Variants in NEMF observed in about 807,000 individuals in gnomAD.
The protein encoded by NEMF is ribosome quality control complex subunit NEMF.
Under a neutral mutation model 162.2 loss-of-function variants are expected in NEMF, and 89 were observed. The observed-to-expected ratio is 0.55, with a 90% CI of 0.46 to 0.65. The LOEUF (loss-of-function observed/expected upper bound fraction) is 0.65. Ranked by LOEUF, NEMF falls within the 30% of genes least tolerant of loss-of-function variation. The pLI is 0.00. For missense variants in NEMF, 1,133 were observed against 1,261.9 expected, an observed-to-expected ratio of 0.90 and a Z score of 1.55; for synonymous variants, 421 against 404.5, an observed-to-expected ratio of 1.04 and a Z score of -0.49.
intron 19 of NEMF, among the ~76,000 whole-genome samples, chr14:49,804,983 T>C (rs1034517858): frequency 3.3e-5 from 5 of 151,984 alleles, no homozygotes; most frequent in African/African-American, 7.3e-5. Flanking sequence ...TGAGCTAAGA[T>C]TGCACCACTA....
chr14:49,834,260 G>A lies in NEMF; in HGVS notation c.661+103C>T. The A allele has an allele frequency of 6.7e-6, 5 of 742,298 alleles. No individual in the cohort carries two copies. In the South Asian group the frequency reaches 8.1e-5, roughly 12 times the overall value. 46.0% of individuals were successfully genotyped at this position (742,298 alleles called of 1,614,324 possible). On this transcript the variant is annotated intron_variant, in intron 7 of 32. Coordinates refer to ENST00000298310, the MANE Select transcript of NEMF (RefSeq NM_004713.6). ...CATGAGCCAGTGTGCCTGGTCAAAT[G>A]TTTTTCATTCTAGAACCACCTGCTC...
intron 11 of NEMF, among the ~76,000 whole-genome samples, chr14:49,830,314 T>G (rs1696630789): frequency 6.6e-6 from 1 of 152,242 alleles, no homozygotes; most frequent in African/African-American, 2.4e-5. Flanking sequence ...TTCATCTGAC[T>G]GGCCTACCTG....
At position 49,819,617 on chromosome 14, in the gene NEMF, T is replaced by C. The variant is rs904666770; in HGVS notation, c.1578-4760A>G. 7.2e-5 allele frequency among the ~76,000 whole-genome samples: 11 copies of C among 152,144 alleles called. 1 individual carries two copies. The highest frequency in any genetic ancestry group is 1.6e-4 in the Non-Finnish European group (11 of 68,018). ...TTTGTAGAGACGGGGTTTCGCCATGTTGCCCAGGCTGGTCTCGAACTCCTC... is the reference window on the plus strand; with the variant it reads ...TTTGTAGAGACGGGGTTTCGCCATGCTGCCCAGGCTGGTCTCGAACTCCTC... On this transcript the variant is annotated intron_variant, in intron 16 of 32. Coordinates refer to ENST00000298310, the MANE Select transcript of NEMF (RefSeq NM_004713.6).
chr14:49,831,906 T>C (rs1407644131), intron 10 of NEMF, 145 bp downstream of exon 10: 2 of 592,944 alleles, frequency 3.4e-6, no homozygotes, highest in African/African-American at 3.8e-5. Context: ...CCAACAGCTG[T>C]ATCTGTGACG....
chr14:49,787,055 C>T (rs1374269287), intron 28 of NEMF: 1 of 230,092 alleles, frequency 4.3e-6, no homozygotes, highest in East Asian at 8.7e-5. Flanking sequence ...GCAAAAGTTA[C>T]AAGTACAATT....
intron 5 of NEMF, chr14:49,839,558 T>G (rs1394259219): frequency 1.3e-5 from 2 of 152,252 alleles, no homozygotes; most frequent in Non-Finnish European, 2.9e-5. Context: ...ATCATTACTT[T>G]ACCTCACCGA....
Position 49,831,378 on chromosome 14 carries a change from A to G in NEMF, c.883-17T>C, listed in dbSNP as rs370881579. On this transcript the variant is annotated splice_polypyrimidine_tract_variant and intron_variant, in intron 10 of 32. Coordinates refer to ENST00000298310, the MANE Select transcript of NEMF (RefSeq NM_004713.6). ...ATCCACCGCCTTATTAAAAAAACAA[A>G]CAACTAGTTGGAAAAAAAAGCACAG... 3.1e-5 allele frequency: 48 copies of G among 1,528,552 alleles called. No individual in the cohort carries two copies. In the South Asian group the frequency reaches 5.3e-4, roughly 17 times the overall value. The allele number at this position is 1,528,552 out of a possible 1,614,324, so 94.7% of individuals were successfully genotyped here.
intron 16 of NEMF, chr14:49,820,115 C>T (rs1891929001): frequency 8.6e-6 from 2 of 232,612 alleles, no homozygotes; most frequent in South Asian, 9.3e-5. Context: ...CCACACCTGG[C>T]TAATTTTTGT....
chr14:49,810,212 C>T (rs1055887426), intron 18 of NEMF, among the ~76,000 whole-genome samples: 2 of 151,338 alleles, frequency 1.3e-5, no homozygotes, highest in African/African-American at 2.4e-5. Context: ...ACTAAAAATA[C>T]AAAAAATTAG....
intron 25 of NEMF, among the ~76,000 whole-genome samples, chr14:49,798,824 G>C (rs370609561): frequency 8.6e-5 from 13 of 151,696 alleles, no homozygotes; most frequent in African/African-American, 3.2e-4. Context: ...GGAGAACGGC[G>C]TGAACCCGGG....
rs1332929376 is a variant in NEMF at position 49,851,577 on chromosome 14, T to C, written c.217A>G (p.Ser73Gly). The C allele has an allele frequency of 1.9e-6, 3 of 1,612,256 alleles. No individual in the cohort carries two copies. The African/African-American group carries it at 4.0e-5, about 22-fold the overall frequency. The change falls in exon 3 of 33, where the codon AGT becomes GGT. Residue 73 changes from serine to glycine, a missense_variant. Ser to Gly is a moderately conservative substitution (Grantham distance 56). Transcript: ENST00000298310. ...AACAAGTTTACCTTCATGGCAAAAC[T>C]AGACGGCATCATATTCTTAGGCCAC... ...FEWPKNMMPSSFAMKCRKHLK... is the reference protein window; with the variant it reads ...FEWPKNMMPSGFAMKCRKHLK...
intron 3 of NEMF, among the ~76,000 whole-genome samples, chr14:49,848,621 C>T (rs977065361): frequency 9.2e-5 from 14 of 151,950 alleles, no homozygotes; most frequent in Non-Finnish European, 2.1e-4. Flanking sequence ...CGGATCACAA[C>T]GTCAGGAGTT....
chr14:49,798,844 T>C (rs1890813382), intron 25 of NEMF, among the ~76,000 whole-genome samples: 1 of 151,900 alleles, frequency 6.6e-6, no homozygotes, highest in Non-Finnish European at 1.5e-5. Flanking sequence ...GAGGTGGGGC[T>C]TGCAGTGAGC....
At chr14:49,820,359 C>T (rs1891941040) in intron 16 of NEMF, 1 of 451,736 alleles carries the variant, frequency 2.2e-6, no homozygotes, top group Non-Finnish European at 4.4e-6. Flanking sequence ...AGTTTGGTGC[C>T]ATGACAGAGT....
In NEMF at chr14:49,783,587, C is replaced by T. The variant is rs905575870; in HGVS notation, c.*1049G>A. 11 of 151,976 alleles carry T rather than the reference C, an allele frequency of 7.2e-5. No homozygotes were observed. Among genetic ancestry groups the T allele is most frequent in the Non-Finnish European group, 1.5e-4 (10 of 68,004 alleles). 9.4% of individuals were successfully genotyped at this position (151,976 alleles called of 1,614,324 possible). On this transcript the variant is annotated 3_prime_UTR_variant, in exon 33 of 33. Transcript: ENST00000298310. Reference sequence around the variant, plus strand: ...CATGAAGGAATGGAAATAATGATGACATCATTTTCCATTCTGTTAAGAGAC... The same window carrying T: ...CATGAAGGAATGGAAATAATGATGATATCATTTTCCATTCTGTTAAGAGAC...
Position 49,784,674 on chromosome 14 carries a change from CTT to C in NEMF, c.3191_3192del (p.Lys1064SerfsTer19), listed in dbSNP as rs752282891. 6.2e-7 allele frequency: 1 copy of C among 1,612,690 alleles called. No homozygotes were observed. Among genetic ancestry groups the C allele is most frequent in the South Asian group, 1.1e-5 (1 of 90,764 alleles). On this transcript the variant is annotated frameshift_variant, in exon 33 of 33. Transcript: ENST00000298310. LOFTEE classifies it high-confidence loss of function. Reference protein sequence around the residue: ...DLSRNIPGKVKVSAPNLLNVK... With the variant: ...DLSRNIPGKVXVSAPNLLNVK... ...ACGTTCAGAAGATTGGGTGCAGACA[CTT>C]TCACTTTGCCAGGAATGTTTCTTGA...
chr14:49,833,525 G>C (rs778972251), intron 7 of NEMF, 29 bp from the exon 8 acceptor site: 1 of 1,469,046 alleles, frequency 6.8e-7, no homozygotes. Context: ...AAGGAAAAAA[G>C]GAGTGCCAAT....
At chr14:49,829,451 T>A (rs750438527) in intron 11 of NEMF, 25 bp from the exon 12 acceptor site, 3 of 1,587,478 alleles carry the variant, frequency 1.9e-6, no homozygotes, top group Non-Finnish European at 2.6e-6. Flanking sequence ...ACAGATTTTT[T>A]AAAAATTAGA....
intron 27 of NEMF, 34 bp from the exon 28 acceptor site, chr14:49,789,377 G>A (rs375101141): frequency 1.6e-4 from 255 of 1,611,754 alleles, no homozygotes; most frequent in Non-Finnish European, 2.0e-4. Context: ...AGTCAGTGTT[G>A]TATTTTCAAT....
Sources: allele counts gnomAD v4.1 joint callset (sites outside exome capture counted in the v4.1 genomes callset), GRCh38; gene constraint gnomAD v4.1.1; transcripts MANE v1.5; gene names NCBI Gene and HGNC (gene_info 2026-07-23, HGNC 2026-07-21).